The following HACD4 variants were observed in gnomAD, a reference collection of about 807,000 sequenced individuals.
The protein encoded by HACD4 is very-long-chain (3R)-3-hydroxyacyl-CoA dehydratase 4.
HACD4 carries 35 observed loss-of-function variants against 33.3 expected under a neutral mutation model. That is an observed-to-expected ratio of 1.05 (90% CI 0.80 to 1.39). The LOEUF is 1.39. Among genes scored for constraint, HACD4 ranks in the 40% most tolerant of loss-of-function variants. HACD4 has a pLI of 0.00. For missense variants in HACD4, 323 were observed against 276.5 expected (o/e 1.17, Z -1.19); for synonymous variants, 118 against 98.0 (o/e 1.20, Z -1.21).
intron 2 of HACD4, 143 bp downstream of exon 2, chr9:21,029,152 T>G (rs931226207): frequency 3.5e-6 from 2 of 567,814 alleles, no homozygotes; most frequent in Non-Finnish European, 6.3e-6. Context: ...CAAGAAGGTT[T>G]TGCAATAAAC....
rs1457136168 is a variant in HACD4, at chr9:21,002,219, A to C, written c.*4818T>G. 6.6e-6 allele frequency: 1 copy of C among 152,138 alleles called. No individual in the cohort carries two copies. Among genetic ancestry groups the C allele is most frequent in the Admixed American group, 6.6e-5 (1 of 15,262 alleles). 9.4% of individuals were successfully genotyped at this position (152,138 alleles called of 1,614,324 possible). ...GTAACCACAAAGAAAACAGCTACAGAATATACACAAAAGAACTGAGAAAGA... is the reference window on the plus strand; with the variant it reads ...GTAACCACAAAGAAAACAGCTACAGCATATACACAAAAGAACTGAGAAAGA... On this transcript the variant is annotated 3_prime_UTR_variant, in exon 7 of 7. Coordinates refer to ENST00000495827, the MANE Select transcript of HACD4 (RefSeq NM_001010915.5).
intron 1 of HACD4, 88 bp downstream of exon 1, chr9:21,031,465 C>T: frequency 1.5e-6 from 2 of 1,346,622 alleles, no homozygotes; most frequent in Non-Finnish European, 1.9e-6. Context: ...CGGGGGGTGC[C>T]GCCCGCCCGC....
At chr9:21,007,232 G>C (rs1401088674) in intron 6 of HACD4, 113 bp from the exon 7 acceptor site, 3 of 672,466 alleles carry the variant, frequency 4.5e-6, no homozygotes, top group Non-Finnish European at 8.1e-6. Flanking sequence ...GAAGACACTT[G>C]CAAGGGAGAT....
intron 1 of HACD4, 117 bp downstream of exon 1, chr9:21,031,436 G>C: frequency 7.5e-7 from 1 of 1,341,442 alleles, no homozygotes; most frequent in Admixed American, 4.1e-5. Flanking sequence ...GCACGGTAGC[G>C]CTGCGCCTTG....
intron 6 of HACD4, among the ~76,000 whole-genome samples, chr9:21,007,356 G>C (rs924302264): frequency 6.6e-6 from 1 of 151,976 alleles, no homozygotes; most frequent in Non-Finnish European, 1.5e-5. Context: ...CTTTAGCATA[G>C]CTCTCTCCAC....
chr9:21,029,834 T>C (rs547636188), intron 1 of HACD4, among the ~76,000 whole-genome samples: 4 of 152,262 alleles, frequency 2.6e-5, no homozygotes, highest in East Asian at 1.9e-4. Context: ...TTCCTGATCA[T>C]GCGGCCGACT....
intron 2 of HACD4, among the ~76,000 whole-genome samples, chr9:21,029,067 C>G (rs186217823): frequency 4.3e-4 from 66 of 152,318 alleles, no homozygotes; most frequent in African/African-American, 1.1e-3. Flanking sequence ...CCATCCATCT[C>G]TTTTTTGAGG....
Position 21,004,940 on chromosome 9 carries a change from A to C in HACD4, c.*2097T>G, listed in dbSNP as rs1169120688. Reference sequence around the variant, plus strand: ...GGGATTGATAGAGGTGATTTTGGTGAGGGCTCAAAGAGAAGAGGGTGGGAG... The same window carrying C: ...GGGATTGATAGAGGTGATTTTGGTGCGGGCTCAAAGAGAAGAGGGTGGGAG... On this transcript the variant is annotated 3_prime_UTR_variant, in exon 7 of 7. Coordinates refer to ENST00000495827, the MANE Select transcript of HACD4 (RefSeq NM_001010915.5). The surrounding 1 kb of genome is among the most constrained non-coding windows in gnomAD (Gnocchi z 4.6). 1 of 152,162 alleles carries C rather than the reference A, an allele frequency of 6.6e-6. No homozygotes were observed. The highest frequency in any genetic ancestry group is 6.6e-5 in the Admixed American group (1 of 15,266). 9.4% of individuals were successfully genotyped at this position (152,162 alleles called of 1,614,324 possible).
At chr9:21,028,559 C>T (rs1818125164) in intron 2 of HACD4, among the ~76,000 whole-genome samples, 1 of 152,206 alleles carries the variant, frequency 6.6e-6, no homozygotes, top group African/African-American at 2.4e-5. Context: ...ATGAGCACAG[C>T]ATGACTTTTC....
chr9:21,030,226 G>T (rs1471995540), intron 1 of HACD4, among the ~76,000 whole-genome samples: 4 of 147,320 alleles, frequency 2.7e-5, no homozygotes, highest in African/African-American at 7.5e-5. Context: ...TGGATCACTT[G>T]AGGCCAGAAG....
At chr9:21,011,479 T>G in intron 5 of HACD4, 110 bp downstream of exon 5, 1 of 703,374 alleles carries the variant, frequency 1.4e-6, no homozygotes. Context: ...ATACACTGAG[T>G]GAGCTAAGCA....
intron 3 of HACD4, among the ~76,000 whole-genome samples, chr9:21,025,633 T>C (rs1175557654): frequency 6.6e-6 from 1 of 152,216 alleles, no homozygotes. Flanking sequence ...ATGAGCTATA[T>C]AAAATTTACA....
chr9:21,025,079 T>G (rs191866490), intron 3 of HACD4, among the ~76,000 whole-genome samples: 1 of 152,290 alleles, frequency 6.6e-6, no homozygotes, highest in African/African-American at 2.4e-5. Context: ...CCGTTTATTT[T>G]GTAAGGAACT....
chr9:21,027,407 A>G (rs1818090214), intron 2 of HACD4, among the ~76,000 whole-genome samples: 2 of 152,344 alleles, frequency 1.3e-5, no homozygotes, highest in South Asian at 2.1e-4. Context: ...AAGTTCTAAA[A>G]TGAAATCCTG....
At position 21,031,605 on chromosome 9, in the gene HACD4, A is replaced by G; in HGVS notation, c.-15T>C. 2.1e-6 allele frequency: 3 copies of G among 1,421,002 alleles called. No homozygotes were observed. Among genetic ancestry groups the G allele is most frequent in the African/African-American group, 1.5e-5 (1 of 66,680 alleles). 88.0% of individuals were successfully genotyped at this position (1,421,002 alleles called of 1,614,324 possible). On this transcript the variant is annotated 5_prime_UTR_variant, in exon 1 of 7. Transcript: ENST00000495827. ...AAGGGCCCCATGGGCCGCCGCCGCC[A>G]GGGCTTCCAGCGCGGTCCAGGAAGG...
rs1842237123 is a variant in HACD4, at chr9:21,005,076, G to C, written c.*1961C>G. 1 of 152,188 alleles carries C rather than the reference G, an allele frequency of 6.6e-6. No individual in the cohort carries two copies. Among genetic ancestry groups the C allele is most frequent in the Non-Finnish European group, 1.5e-5 (1 of 68,038 alleles). 9.4% of individuals were successfully genotyped at this position (152,188 alleles called of 1,614,324 possible). On this transcript the variant is annotated 3_prime_UTR_variant, in exon 7 of 7. Transcript: ENST00000495827. This position sits in a 1 kb window ranked among gnomAD's most constrained non-coding sequence, Gnocchi z 4.0. ...AGTCTCAAATGAAAATGAGGAACCT[G>C]TTATGGGAAACTGGAAGAAAGGTGA...
Position 21,006,475 on chromosome 9 carries a change from A to G in HACD4, c.*562T>C, listed in dbSNP as rs993117395. ...CATTCGGTTTATGGTGTTCTATTAT[A>G]GCAACCTGAGCTAAGACATAGGGCT... On this transcript the variant is annotated 3_prime_UTR_variant, in exon 7 of 7. Coordinates refer to ENST00000495827, the MANE Select transcript of HACD4 (RefSeq NM_001010915.5). This position sits in a 1 kb window ranked among gnomAD's most constrained non-coding sequence, Gnocchi z 4.6. 12 of 156,904 alleles carry G rather than the reference A, an allele frequency of 7.6e-5. No individual in the cohort carries two copies. The highest frequency in any genetic ancestry group is 1.5e-4 in the Non-Finnish European group (11 of 71,738). The allele number at this position is 156,904 out of a possible 1,614,324, so 9.7% of individuals were successfully genotyped here. A position where few individuals can be genotyped will look rare whatever the true frequency, so the allele number is the denominator to read the frequency against.
chr9:21,020,319 T>C (rs181831367), intron 3 of HACD4, among the ~76,000 whole-genome samples: 71 of 152,258 alleles, frequency 4.7e-4, no homozygotes, highest in African/African-American at 1.7e-3. Flanking sequence ...CAAAAAGTGA[T>C]GGAGTAATCT....
chr9:21,030,584 G>A (rs75276003), intron 1 of HACD4, among the ~76,000 whole-genome samples: 1 of 152,194 alleles, frequency 6.6e-6, no homozygotes, highest in Non-Finnish European at 1.5e-5. Flanking sequence ...AGTTCTGAAG[G>A]GGGGTAGGGA....
Sources: gnomAD v4.1 joint callset for allele counts (sites outside exome capture counted in the v4.1 genomes callset) on GRCh38, gnomAD v4.1.1 for gene constraint, Gnocchi (gnomAD v3.1) non-coding constraint, MANE v1.5 for transcripts, NCBI Gene and HGNC (gene_info 2026-07-23, HGNC 2026-07-21) for gene names.